The following SCAPER variants were observed in gnomAD, a reference collection of about 807,000 sequenced individuals.
SCAPER encodes the protein S phase cyclin A-associated protein in the endoplasmic reticulum.
A neutral mutation model predicts 182.2 loss-of-function variants in SCAPER; 98 were observed. The observed-to-expected ratio is 0.54, with a 90% CI of 0.46 to 0.64. The LOEUF (loss-of-function observed/expected upper bound fraction) is 0.64, where lower values mean the gene tolerates loss of function less well. Among genes scored for constraint, SCAPER ranks in the 30% least tolerant of loss-of-function variants. The probability of loss-of-function intolerance (pLI) is 0.00; values close to 1 mark genes in which losing one functional copy is unlikely to be tolerated. For missense variants in SCAPER, 1,432 were observed against 1,690.0 expected (o/e 0.85, Z 2.68); for synonymous variants, 605 against 564.6 (o/e 1.07, Z -1.01).
chr15:76,582,897 T>C (rs753343924), intron 22 of SCAPER, among the ~76,000 whole-genome samples: 9 of 152,198 alleles, frequency 5.9e-5, no homozygotes, highest in Admixed American at 5.2e-4. Flanking sequence ...CCGAGAGAAC[T>C]GGATATCCAT....
At chr15:76,378,185 T>C (rs2042697398) in intron 28 of SCAPER, among the ~76,000 whole-genome samples, 1 of 152,360 alleles carries the variant, frequency 6.6e-6, no homozygotes, top group South Asian at 2.1e-4. Context: ...ATTCTTGTGA[T>C]GCATTCGAAC....
intron 26 of SCAPER, among the ~76,000 whole-genome samples, chr15:76,429,073 C>G (rs2046674277): frequency 6.6e-6 from 1 of 151,560 alleles, no homozygotes; most frequent in Non-Finnish European, 1.5e-5. Flanking sequence ...CTCACGAGAT[C>G]TGGTGGCTTT....
chr15:76,687,805 GT>G (rs2058117015), intron 20 of SCAPER, among the ~76,000 whole-genome samples: 1 of 152,172 alleles, frequency 6.6e-6, no homozygotes, highest in Non-Finnish European at 1.5e-5. Flanking sequence ...ATTCCATGGT[GT>G]GCATATGCCA....
chr15:76,537,122 C>T (rs1318958658), intron 23 of SCAPER, among the ~76,000 whole-genome samples: 2 of 151,672 alleles, frequency 1.3e-5, no homozygotes, highest in African/African-American at 4.9e-5. Flanking sequence ...GAATCAATAT[C>T]GTGAAAATGG....
At chr15:76,675,404 C>T (rs1042582211) in intron 20 of SCAPER, among the ~76,000 whole-genome samples, 1 of 152,076 alleles carries the variant, frequency 6.6e-6, no homozygotes, top group Admixed American at 6.5e-5. Context: ...CAATCTTCTG[C>T]AGAAAAGTAA....
chr15:76,780,896 G>A (rs149677611), intron 8 of SCAPER, among the ~76,000 whole-genome samples: 1 of 152,274 alleles, frequency 6.6e-6, no homozygotes, highest in Non-Finnish European at 1.5e-5. Context: ...CAACATCAAG[G>A]ATCAAAGGTA....
chr15:76,793,789 T>C lies in SCAPER; in HGVS notation c.772+1491A>G, dbSNP rs76908173. Among the ~76,000 whole-genome samples, 560 of 152,362 alleles carry C rather than the reference T, an allele frequency of 3.7e-3. 2 individuals are homozygous for C. Among genetic ancestry groups the C allele is most frequent in the African/African-American group, 0.013 (534 of 41,586 alleles). On this transcript the variant is annotated intron_variant, in intron 8 of 31. Coordinates refer to ENST00000563290, the MANE Select transcript of SCAPER (RefSeq NM_020843.4). Reference sequence around the variant, plus strand: ...AGTAGGTAGTCGGAATCCTGATTTATAGCTAGTTGGTCAGAGCACAGGTAA... The same window carrying C: ...AGTAGGTAGTCGGAATCCTGATTTACAGCTAGTTGGTCAGAGCACAGGTAA...
chr15:76,565,017 A>C (rs561212590), intron 23 of SCAPER, among the ~76,000 whole-genome samples: 1 of 152,286 alleles, frequency 6.6e-6, no homozygotes, highest in African/African-American at 2.4e-5. Context: ...ACAAAAATTA[A>C]CTCAAGATGG....
chr15:76,351,349 G>T, intron 30 of SCAPER, 61 bp from the exon 31 acceptor site: 5 of 1,476,882 alleles, frequency 3.4e-6, no homozygotes, highest in Non-Finnish European at 4.6e-6. Flanking sequence ...TTCACTAAGG[G>T]TGGCTTTAAA....
intron 21 of SCAPER, among the ~76,000 whole-genome samples, chr15:76,648,688 G>A (rs1390761440): frequency 6.6e-6 from 1 of 152,192 alleles, no homozygotes; most frequent in Non-Finnish European, 1.5e-5. Context: ...TAATAAAAAA[G>A]CAGCCCCAAA....
intron 23 of SCAPER, among the ~76,000 whole-genome samples, chr15:76,511,169 T>C (rs1366415908): frequency 9.2e-5 from 14 of 152,088 alleles, no homozygotes; most frequent in African/African-American, 2.7e-4. Flanking sequence ...GCTGGGGAGA[T>C]GGGTGCACCA....
intron 23 of SCAPER, chr15:76,567,514 C>T: frequency 3.6e-6 from 1 of 274,304 alleles, no homozygotes; most frequent in East Asian, 1.2e-4. Flanking sequence ...CTGTATGTTC[C>T]CACTGCTCTA....
At chr15:76,725,140 A>G (rs1432078753) in intron 17 of SCAPER, among the ~76,000 whole-genome samples, 1 of 152,198 alleles carries the variant, frequency 6.6e-6, no homozygotes. Flanking sequence ...AAGAGATTCT[A>G]TTTATAATTG....
intron 23 of SCAPER, among the ~76,000 whole-genome samples, chr15:76,527,107 C>G (rs907623165): frequency 6.6e-6 from 1 of 152,102 alleles, no homozygotes; most frequent in African/African-American, 2.4e-5. Flanking sequence ...AACTCCTGAC[C>G]GCAGATGATC....
At chr15:76,490,941 A>T (rs1371946597) in intron 24 of SCAPER, among the ~76,000 whole-genome samples, 7 of 151,790 alleles carry the variant, frequency 4.6e-5, no homozygotes, top group Non-Finnish European at 1.5e-5. Flanking sequence ...AGATCAGCTG[A>T]CTCCATCTGA....
chr15:76,659,043 T>C (rs1222427027), intron 21 of SCAPER, among the ~76,000 whole-genome samples: 4 of 151,918 alleles, frequency 2.6e-5, no homozygotes, highest in Admixed American at 6.6e-5. Context: ...CCAAAAACAA[T>C]TGCAACAACA....
rs1308678399 is a variant in SCAPER at position 76,404,518 on chromosome 15, C to T, written c.3467+6G>A. ...AGTCTAGATTGAGATCAAGTAGATG[C>T]CTTACCTTCCAGTGACAGCAAAGCA... On this transcript the variant is annotated splice_donor_region_variant and intron_variant, in intron 27 of 31. Coordinates refer to ENST00000563290, the MANE Select transcript of SCAPER (RefSeq NM_020843.4). The T allele has an allele frequency of 2.5e-6, 4 of 1,593,908 alleles. No individual in the cohort carries two copies. The highest frequency in any genetic ancestry group is 2.7e-5 in the African/African-American group (2 of 74,390).
chr15:76,398,472 G>C (rs1032225418), intron 27 of SCAPER, among the ~76,000 whole-genome samples: 3 of 152,144 alleles, frequency 2.0e-5, no homozygotes, highest in African/African-American at 7.2e-5. Flanking sequence ...CTGGCACAGA[G>C]CAAGTGCTAC....
At chr15:76,537,349 G>C (rs1380421337) in intron 23 of SCAPER, among the ~76,000 whole-genome samples, 1 of 152,030 alleles carries the variant, frequency 6.6e-6, no homozygotes, top group Admixed American at 6.6e-5. Context: ...AAAACAGCAT[G>C]GTACTGGTAC....
Sources: gnomAD v4.1 joint callset for allele counts (sites outside exome capture counted in the v4.1 genomes callset) on GRCh38, gnomAD v4.1.1 for gene constraint, MANE v1.5 for transcripts, NCBI Gene and HGNC (gene_info 2026-07-23, HGNC 2026-07-21) for gene names.